The following SLC14A2 variants were observed in gnomAD, a reference collection of about 807,000 sequenced individuals.
SLC14A2 encodes urea transporter 2.
A neutral mutation model predicts 104.6 loss-of-function variants in SLC14A2; 91 were observed. The observed-to-expected ratio is 0.87, with a 90% CI of 0.73 to 1.04. The LOEUF (loss-of-function observed/expected upper bound fraction) is 1.04, where lower values mean the gene tolerates loss of function less well. SLC14A2 is among the 50% of genes least tolerant of loss of function. The pLI is 0.00. For synonymous variants in SLC14A2, 476 were observed against 466.4 expected (o/e 1.02, Z -0.27); for missense variants, 1,189 against 1,156.0 (o/e 1.03, Z -0.41).
intron 1 of SLC14A2, among the ~76,000 whole-genome samples, chr18:45,328,733 G>T (rs1255461554): frequency 1.3e-5 from 2 of 152,234 alleles, no homozygotes; most frequent in Non-Finnish European, 2.9e-5. Flanking sequence ...TCTGCAAGGT[G>T]ATGGGGGAGC....
In SLC14A2 at chr18:45,484,061, T is replaced by C. The variant is rs896069021; in HGVS notation, c.-35+739T>C. Among the ~76,000 whole-genome samples the C allele has an allele frequency of 2.6e-5, 4 of 152,236 alleles. No homozygotes were observed. The East Asian group carries it at 7.7e-4, about 29-fold the overall frequency. ...TTCAAACTTTGATGGCTTAATAAAA[T>C]GGATCACATTTCACTCATATAATAG... On this transcript the variant is annotated intron_variant, in intron 2 of 20. Transcript: ENST00000586448.
intron 2 of SLC14A2, among the ~76,000 whole-genome samples, chr18:45,542,035 G>GTTTTTTTTTTTTTTTTTTTTTTTTTTTT (rs60977948): frequency 1.8e-5 from 1 of 54,206 alleles, no homozygotes; most frequent in African/African-American, 6.2e-5. Flanking sequence ...AAGAGAGAGG[G>GTTTTTTTTTTTTTTTTTTTTTTTTTTTT]TTTTTTTTTT....
At chr18:45,203,540 G>T in the SLC14A2 span, among the ~76,000 whole-genome samples, 219 of 152,264 alleles carry the variant, frequency 1.4e-3, 1 homozygote, top group Middle Eastern at 6.8e-3. Flanking sequence ...CACTGTGTGT[G>T]TGTATGTACA....
chr18:45,352,329 A>T (rs1314351093), intron 1 of SLC14A2, among the ~76,000 whole-genome samples: 1 of 152,176 alleles, frequency 6.6e-6, no homozygotes, highest in Non-Finnish European at 1.5e-5. Context: ...CTTTCTTATG[A>T]TTCTCCATCC....
At chr18:45,276,828 T>C (rs531343232) in intron 1 of SLC14A2, among the ~76,000 whole-genome samples, 1 of 152,264 alleles carries the variant, frequency 6.6e-6, no homozygotes, top group African/African-American at 2.4e-5. Flanking sequence ...ACCGTAAAGG[T>C]TGATGTTTAG....
chr18:45,385,324 G>A (rs545614468), intron 1 of SLC14A2, among the ~76,000 whole-genome samples: 2 of 152,204 alleles, frequency 1.3e-5, no homozygotes, highest in Admixed American at 6.5e-5. Context: ...CCACACTAAG[G>A]GAGTTGGGCT....
intron 1 of SLC14A2, among the ~76,000 whole-genome samples, chr18:45,380,647 G>GT: frequency 6.6e-6 from 1 of 152,146 alleles, no homozygotes; most frequent in Non-Finnish European, 1.5e-5. Context: ...TTTTGTCAGT[G>GT]TTTAGACAAA....
chr18:45,428,032 G>A (rs1180841671), intron 1 of SLC14A2, among the ~76,000 whole-genome samples: 1 of 152,186 alleles, frequency 6.6e-6, no homozygotes, highest in African/African-American at 2.4e-5. Flanking sequence ...AGAGTTCACT[G>A]TTTATAGCAA....
intron 1 of SLC14A2, among the ~76,000 whole-genome samples, chr18:45,216,305 T>C (rs2084009960): frequency 6.6e-6 from 1 of 152,170 alleles, no homozygotes; most frequent in African/African-American, 2.4e-5. Flanking sequence ...TCTGTGTCCC[T>C]TCCCAAGACG....
intron 19 of SLC14A2, among the ~76,000 whole-genome samples, chr18:45,680,969 C>CCCA (rs1390640583): frequency 2.0e-5 from 3 of 152,088 alleles, no homozygotes; most frequent in Non-Finnish European, 4.4e-5. Context: ...TTTGTTGTTC[C>CCCA]CCAAGACGCA....
At chr18:45,221,090 G>A (rs1459232974) in intron 1 of SLC14A2, among the ~76,000 whole-genome samples, 2 of 152,168 alleles carry the variant, frequency 1.3e-5, no homozygotes, top group Non-Finnish European at 2.9e-5. Flanking sequence ...GATTTTGGGG[G>A]TTCAGGCTTC....
chr18:45,468,027 C>T (rs191929582), intron 1 of SLC14A2, among the ~76,000 whole-genome samples: 2 of 152,232 alleles, frequency 1.3e-5, no homozygotes, highest in African/African-American at 4.8e-5. Flanking sequence ...TGCACCCTCT[C>T]CTCTACCAGC....
At chr18:45,207,615 G>A in the SLC14A2 span, among the ~76,000 whole-genome samples, 1 of 152,154 alleles carries the variant, frequency 6.6e-6, no homozygotes, top group Non-Finnish European at 1.5e-5. Context: ...GCTAACAACA[G>A]CTTGACCATC....
At chr18:45,330,087 T>C (rs1340574703) in intron 1 of SLC14A2, among the ~76,000 whole-genome samples, 6 of 152,064 alleles carry the variant, frequency 3.9e-5, no homozygotes, top group African/African-American at 9.7e-5. Context: ...ATTAAATAAT[T>C]TTGGATTTCA....
At chr18:45,554,213 A>C (rs2044096669) in intron 2 of SLC14A2, among the ~76,000 whole-genome samples, 1 of 152,190 alleles carries the variant, frequency 6.6e-6, no homozygotes, top group South Asian at 2.1e-4. Flanking sequence ...TCACAGTCCC[A>C]TACAGTCAAA....
intron 1 of SLC14A2, among the ~76,000 whole-genome samples, chr18:45,334,843 G>T (rs764391323): frequency 8.5e-5 from 13 of 152,156 alleles, no homozygotes; most frequent in Non-Finnish European, 1.9e-4. Context: ...CCACAGAGCA[G>T]GTGCCCCCCA....
intron 2 of SLC14A2, among the ~76,000 whole-genome samples, chr18:45,536,591 C>T (rs1457556740): frequency 1.3e-5 from 2 of 152,180 alleles, no homozygotes; most frequent in African/African-American, 4.8e-5. Context: ...AGCCGCTCTT[C>T]TCCAGTATGA....
At chr18:45,332,487 TCTTG>T (rs2085300437) in intron 1 of SLC14A2, among the ~76,000 whole-genome samples, 5 of 152,012 alleles carry the variant, frequency 3.3e-5, no homozygotes, top group Admixed American at 2.6e-4. Flanking sequence ...CCGTGGGAGG[TCTTG>T]CCCAATCTCC....
chr18:45,528,313 C>G (rs2043629063), intron 2 of SLC14A2: 1 of 151,860 alleles, frequency 6.6e-6, no homozygotes, highest in African/African-American at 2.4e-5. Flanking sequence ...ATATTTAAAG[C>G]TGCCATTAAT....
Sources: allele counts gnomAD v4.1 joint callset (sites outside exome capture counted in the v4.1 genomes callset), GRCh38; gene constraint gnomAD v4.1.1; transcripts MANE v1.5; gene names NCBI Gene and HGNC (gene_info 2026-07-23, HGNC 2026-07-21).